The following FAR1 variants were observed in gnomAD, a reference collection of about 807,000 sequenced individuals.
The protein encoded by FAR1 is male sterility domain-containing protein 2.
FAR1 carries 22 observed loss-of-function variants against 61.1 expected under a neutral mutation model. The observed-to-expected ratio is 0.36, with a 90% CI of 0.26 to 0.51. The LOEUF (loss-of-function observed/expected upper bound fraction) is 0.51, where lower values mean the gene tolerates loss of function less well. Ranked by LOEUF, FAR1 falls within the 20% of genes least tolerant of loss-of-function variation. The probability of loss-of-function intolerance (pLI) is 0.95; values close to 1 mark genes in which losing one functional copy is unlikely to be tolerated. For missense variants in FAR1, 359 were observed against 626.9 expected, an observed-to-expected ratio of 0.57 and a Z score of 4.56; for synonymous variants, 206 against 209.7, an observed-to-expected ratio of 0.98 and a Z score of 0.15.
In FAR1 at chr11:13,729,059, T is replaced by C. The variant is rs1848694455; in HGVS notation, c.*285T>C. ...TGTGCTGAGGACAAGAGTGGGGAAA[T>C]AGGAACACTGACCAGTATAACTGTG... is the stretch of plus-strand genomic sequence containing the variant. On this transcript the variant is annotated 3_prime_UTR_variant, in exon 12 of 12. Transcript: ENST00000354817. The C allele has an allele frequency of 3.8e-6, 1 of 260,318 alleles. No individual in the cohort carries two copies. Among genetic ancestry groups the C allele is most frequent in the Admixed American group, 4.7e-5 (1 of 21,118 alleles). 16.1% of individuals were successfully genotyped at this position (260,318 alleles called of 1,614,324 possible).
chr11:13,723,657 ATTC>A (rs1179813306), intron 10 of FAR1, among the ~76,000 whole-genome samples: 2 of 152,134 alleles, frequency 1.3e-5, no homozygotes. Flanking sequence ...CCTCTTCACT[ATTC>A]TTATATCGTC....
chr11:13,704,952 A>G (rs1848417337), intron 3 of FAR1, among the ~76,000 whole-genome samples: 1 of 152,166 alleles, frequency 6.6e-6, no homozygotes, highest in Non-Finnish European at 1.5e-5. Context: ...AAGTATGAGA[A>G]CCCTGGTTTA....
In FAR1 at chr11:13,712,950, ATCTTTG is replaced by A; in HGVS notation, c.888-9_888-4del. The A allele has an allele frequency of 1.2e-6, 2 of 1,609,454 alleles. No homozygotes were observed. Among genetic ancestry groups the A allele is most frequent in the Non-Finnish European group, 1.7e-6 (2 of 1,176,382 alleles). On this transcript the variant is annotated splice_polypyrimidine_tract_variant and intron_variant, in intron 7 of 11. Coordinates refer to ENST00000354817, the MANE Select transcript of FAR1 (RefSeq NM_032228.6). ...CCTCTTATTATGATTAATTGGTTTCATCTTTGTCTTTGCAGACCAAGAAACATCATG... is the reference window on the plus strand; with the variant it reads ...CCTCTTATTATGATTAATTGGTTTCATCTTTGCAGACCAAGAAACATCATG...
intron 2 of FAR1, among the ~76,000 whole-genome samples, chr11:13,695,582 G>A (rs1848299537): frequency 6.6e-6 from 1 of 152,094 alleles, no homozygotes; most frequent in Non-Finnish European, 1.5e-5. Flanking sequence ...AGTTGAATCG[G>A]AAGGCTATAA....
intron 9 of FAR1, among the ~76,000 whole-genome samples, chr11:13,717,953 C>T (rs1051057276): frequency 1.3e-5 from 2 of 151,870 alleles, no homozygotes; most frequent in African/African-American, 4.8e-5. Context: ...TGTGAGTTTC[C>T]GGTGTATCTG....
chr11:13,692,116 G>A (rs376121568), intron 1 of FAR1, among the ~76,000 whole-genome samples: 2 of 152,146 alleles, frequency 1.3e-5, no homozygotes, highest in South Asian at 2.1e-4. Flanking sequence ...GCAGTGAGCC[G>A]AGATTGTGTC....
At chr11:13,704,069 G>GA (rs1294926625) in intron 3 of FAR1, among the ~76,000 whole-genome samples, 2 of 149,922 alleles carry the variant, frequency 1.3e-5, no homozygotes, top group African/African-American at 4.9e-5. Flanking sequence ...AAAAAAGTGA[G>GA]AGGAGAAGTG....
chr11:13,673,409 A>T (rs757081148), intron 1 of FAR1, among the ~76,000 whole-genome samples: 3 of 152,256 alleles, frequency 2.0e-5, no homozygotes, highest in Non-Finnish European at 4.4e-5. Context: ...CATATTACAG[A>T]TGAGGAGAGT....
intron 1 of FAR1, among the ~76,000 whole-genome samples, chr11:13,670,528 G>A (rs1232798452): frequency 2.0e-5 from 3 of 152,138 alleles, no homozygotes; most frequent in African/African-American, 7.2e-5. Flanking sequence ...CTGACTTCAA[G>A]AGATCCATCC....
chr11:13,713,313 A>G (rs1848520549), intron 8 of FAR1, among the ~76,000 whole-genome samples: 1 of 144,632 alleles, frequency 6.9e-6, no homozygotes, highest in Admixed American at 7.2e-5. Context: ...CCTCGTAGAT[A>G]CCTATGGCAT....
chr11:13,699,929 G>A (rs1027988080), intron 2 of FAR1, among the ~76,000 whole-genome samples: 20 of 152,102 alleles, frequency 1.3e-4, no homozygotes, highest in African/African-American at 4.3e-4. Context: ...GAAAAATTAA[G>A]ATCTAGATTT....
At position 13,728,848 on chromosome 11, in the gene FAR1, A is replaced by G; in HGVS notation, c.*74A>G. The G allele has an allele frequency of 1.4e-6, 2 of 1,399,444 alleles. No homozygotes were observed. Among genetic ancestry groups the G allele is most frequent in the East Asian group, 2.3e-5 (1 of 43,116 alleles). The allele number at this position is 1,399,444 out of a possible 1,614,324, so 86.7% of individuals were successfully genotyped here. On this transcript the variant is annotated 3_prime_UTR_variant, in exon 12 of 12. Coordinates refer to ENST00000354817, the MANE Select transcript of FAR1 (RefSeq NM_032228.6). ...GTACAAAATGTAAAATGTATAAGTC[A>G]TCTCACTTTTTGTCAAGACATTAAA...
At position 13,700,299 on chromosome 11, in the gene FAR1, A is replaced by ATT; in HGVS notation, c.190-14_190-13dup. ...GGAAAAATACTGCTGTAAAATAAAT[A>ATT]TTTTTCCCTCTTGATAGCTTTTTGA... On this transcript the variant is annotated splice_polypyrimidine_tract_variant and intron_variant, in intron 2 of 11. Coordinates refer to ENST00000354817, the MANE Select transcript of FAR1 (RefSeq NM_032228.6). The ATT allele has an allele frequency of 6.5e-7, 1 of 1,545,588 alleles. No individual in the cohort carries two copies. The highest frequency in any genetic ancestry group is 1.4e-5 in the African/African-American group (1 of 70,532).
chr11:13,679,485 T>C (rs954957284), intron 1 of FAR1, among the ~76,000 whole-genome samples: 2 of 152,212 alleles, frequency 1.3e-5, no homozygotes, highest in Admixed American at 1.3e-4. Flanking sequence ...TTTTTGTTAT[T>C]TTGGGTGCTT....
At chr11:13,717,159 C>A (rs1181523585) in intron 9 of FAR1, among the ~76,000 whole-genome samples, 2 of 152,008 alleles carry the variant, frequency 1.3e-5, no homozygotes, top group African/African-American at 4.8e-5. Flanking sequence ...CCCCTCGCGC[C>A]TCCCCATCCC....
In FAR1 at chr11:13,721,708, GT is replaced by G; in HGVS notation, c.1128-21del. The G allele has an allele frequency of 6.2e-7, 1 of 1,604,052 alleles. No individual in the cohort carries two copies. The highest frequency in any genetic ancestry group is 8.5e-7 in the Non-Finnish European group (1 of 1,175,870). On this transcript the variant is annotated intron_variant, in intron 9 of 11. Transcript: ENST00000354817. This position sits in a 1 kb window ranked among gnomAD's most constrained non-coding sequence, Gnocchi z 4.2. ...CCTAATCTATACAAAATATGAATCT[GT>G]CCATTTTTCTTACAATACAGGATGA...
chr11:13,718,520 C>A (rs1848577362), intron 9 of FAR1, among the ~76,000 whole-genome samples: 1 of 152,208 alleles, frequency 6.6e-6, no homozygotes, highest in Non-Finnish European at 1.5e-5. Context: ...CATTTCACTA[C>A]TGATCACCTC....
At chr11:13,701,085 T>C (rs1311075965) in intron 3 of FAR1, among the ~76,000 whole-genome samples, 1 of 152,106 alleles carries the variant, frequency 6.6e-6, no homozygotes, top group East Asian at 1.9e-4. Flanking sequence ...TGAGTATGCA[T>C]TTCAAATAAT....
Position 13,694,788 on chromosome 11 carries a change from A to G in FAR1, c.23A>G (p.Tyr8Cys). 6.2e-7 allele frequency: 1 copy of G among 1,613,398 alleles called. No homozygotes were observed. Among genetic ancestry groups the G allele is most frequent in the Non-Finnish European group, 8.5e-7 (1 of 1,179,704 alleles). MVSIPEY[Y>C]EGKNVLLTGA... is the part of the protein sequence containing the mutation. ...AAAATGGTTTCAATCCCAGAATACT[A>G]TGAAGGCAAGAACGTCCTCCTCACA... The change falls in exon 2 of 12, where the codon TAT (tyrosine) becomes TGT (cysteine). Residue 8 changes from tyrosine (Y) to cysteine (C), a missense_variant. Physicochemically the swap from Tyr to Cys is radical, Grantham distance 194. Around this residue, in one of 2 missense-constraint regions of FAR1, gnomAD observed 344 missense variants for 570.3 expected, o/e 0.60. Coordinates refer to ENST00000354817, the MANE Select transcript of FAR1 (RefSeq NM_032228.6).
Sources: allele counts gnomAD v4.1 joint callset (sites outside exome capture counted in the v4.1 genomes callset), GRCh38; gene constraint gnomAD v4.1.1; regional missense constraint gnomAD v4.1.1; non-coding constraint Gnocchi (gnomAD v3.1); transcripts MANE v1.5; gene names NCBI Gene and HGNC (gene_info 2026-07-23, HGNC 2026-07-21).